GRID1: variants seen among roughly 807,000 people sequenced by gnomAD.
GRID1 encodes the protein glutamate receptor ionotropic, delta-1.
GRID1 carries 28 observed loss-of-function variants against 98.0 expected under a neutral mutation model. The ratio of observed to expected loss-of-function variants is 0.29; its 90% confidence interval spans 0.21 to 0.39. The LOEUF (loss-of-function observed/expected upper bound fraction) is 0.39, where lower values mean the gene tolerates loss of function less well. Ranked by LOEUF, GRID1 falls within the 10% of genes least tolerant of loss-of-function variation. GRID1 has a pLI of 1.00. For missense variants in GRID1, 1,111 were observed against 1,340.5 expected (o/e 0.83, Z 2.67); for synonymous variants, 553 against 538.5 (o/e 1.03, Z -0.37).
chr10:86,098,444 C>A lies in GRID1; in HGVS notation c.726+40375G>T, dbSNP rs535646804. On this transcript the variant is annotated intron_variant, in intron 4 of 15. Transcript: ENST00000327946. Reference sequence around the variant, plus strand: ...TTGGATACTGTCATTGCCTTAACCACACCCCTAACATTGGCTCCTTAGATT... The same window carrying A: ...TTGGATACTGTCATTGCCTTAACCAAACCCCTAACATTGGCTCCTTAGATT... 2.0e-5 allele frequency among the ~76,000 whole-genome samples: 3 copies of A among 152,360 alleles called. No individual in the cohort carries two copies. The South Asian group carries it at 6.2e-4, about 32-fold the overall frequency.
chr10:86,145,188 A>T (rs1589387057), intron 3 of GRID1, among the ~76,000 whole-genome samples: 1 of 152,068 alleles, frequency 6.6e-6, no homozygotes, highest in African/African-American at 2.4e-5. Context: ...CACAAAATAG[A>T]CTCCAGACAT....
chr10:86,213,395 G>A (rs1208761043), intron 2 of GRID1, among the ~76,000 whole-genome samples: 2 of 151,776 alleles, frequency 1.3e-5, no homozygotes, highest in Non-Finnish European at 2.9e-5. Context: ...AACCACCCAG[G>A]TTTATTCCCC....
At chr10:85,719,474 A>G (rs372649422) in intron 12 of GRID1, among the ~76,000 whole-genome samples, 20 of 152,224 alleles carry the variant, frequency 1.3e-4, no homozygotes, top group African/African-American at 4.3e-4. Flanking sequence ...TGGATGGGGA[A>G]GCCTCAGAAT....
At chr10:85,996,037 T>C (rs180944995) in intron 4 of GRID1, among the ~76,000 whole-genome samples, 6 of 152,374 alleles carry the variant, frequency 3.9e-5, no homozygotes, top group Admixed American at 3.9e-4. Context: ...CTTTCAAACC[T>C]GAGCTGACAT....
chr10:85,893,148 T>C (rs563782381), intron 5 of GRID1, among the ~76,000 whole-genome samples: 3 of 152,152 alleles, frequency 2.0e-5, no homozygotes, highest in Admixed American at 1.3e-4. Context: ...ATTATCTCAA[T>C]AGATGCACAA....
At chr10:85,739,174 A>G (rs928781750) in intron 8 of GRID1, among the ~76,000 whole-genome samples, 3 of 152,148 alleles carry the variant, frequency 2.0e-5, no homozygotes, top group African/African-American at 7.2e-5. Flanking sequence ...ACACACATAC[A>G]ATGATTTGTT....
rs75168084 is a variant in GRID1 at position 86,195,173 on chromosome 10, A to G, written c.520+11191T>C. 0.044 allele frequency among the ~76,000 whole-genome samples: 6,721 copies of G among 152,176 alleles called. 250 individuals are homozygous for G. Among genetic ancestry groups the G allele is most frequent in the South Asian group, 0.078 (374 of 4,816 alleles). ...GTTCCAGCTTGGGATCAGCTGAGCC[A>G]TGAGAGGGCCACACTGCACAGTCAG... On this transcript the variant is annotated intron_variant, in intron 3 of 15. Coordinates refer to ENST00000327946, the MANE Select transcript of GRID1 (RefSeq NM_017551.3). The surrounding 1 kb of genome is among the most constrained non-coding windows in gnomAD (Gnocchi z 4.4).
chr10:86,197,562 C>T (rs965852854), intron 3 of GRID1, among the ~76,000 whole-genome samples: 13 of 152,084 alleles, frequency 8.5e-5, no homozygotes, highest in African/African-American at 3.1e-4. Context: ...GAGCCCGCAT[C>T]GGTCCTGCAA....
At chr10:86,176,925 C>T (rs553383424) in intron 3 of GRID1, among the ~76,000 whole-genome samples, 1 of 152,210 alleles carries the variant, frequency 6.6e-6, no homozygotes, top group Non-Finnish European at 1.5e-5. Context: ...AAGTAAGAAA[C>T]ATCATCCAGT....
At chr10:85,717,137 A>C (rs1841648896) in intron 12 of GRID1, among the ~76,000 whole-genome samples, 1 of 152,248 alleles carries the variant, frequency 6.6e-6, no homozygotes, top group Admixed American at 6.5e-5. Context: ...CAAAAAACTG[A>C]TAACTGTGTG....
intron 5 of GRID1, among the ~76,000 whole-genome samples, chr10:85,888,859 A>C (rs963788173): frequency 7.2e-5 from 11 of 152,094 alleles, no homozygotes; most frequent in South Asian, 2.1e-4. Context: ...AATTCTACCT[A>C]GCAAATTCTA....
chr10:86,336,406 C>G (rs376743682), intron 2 of GRID1, among the ~76,000 whole-genome samples: 101 of 152,218 alleles, frequency 6.6e-4, no homozygotes, highest in African/African-American at 2.4e-3. Flanking sequence ...GGAGTGGGGG[C>G]CTCTAAGGAT....
rs889541943 is a variant in GRID1 at position 85,893,336 on chromosome 10, C to T, written c.780+22850G>A. 4.6e-5 allele frequency among the ~76,000 whole-genome samples: 7 copies of T among 152,192 alleles called. No individual in the cohort carries two copies. In the South Asian group the frequency reaches 6.2e-4, roughly 14 times the overall value. On this transcript the variant is annotated intron_variant, in intron 5 of 15. Transcript: ENST00000327946. ...AGAGCAGGAAAAAGGCATAGATATC[C>T]GCTACTATTACTTCTACTCAACATT...
intron 2 of GRID1, among the ~76,000 whole-genome samples, chr10:86,270,825 T>G (rs1847174858): frequency 6.6e-6 from 1 of 152,162 alleles, no homozygotes; most frequent in East Asian, 1.9e-4. Flanking sequence ...TATGGAGCAA[T>G]GGTTTTTCAA....
At chr10:86,353,589 G>C (rs887101150) in intron 2 of GRID1, among the ~76,000 whole-genome samples, 1 of 152,174 alleles carries the variant, frequency 6.6e-6, no homozygotes, top group Admixed American at 6.5e-5. Flanking sequence ...CAGGTGCACA[G>C]TAGATATGCC....
At chr10:85,935,258 C>T (rs757401196) in intron 4 of GRID1, among the ~76,000 whole-genome samples, 4 of 152,160 alleles carry the variant, frequency 2.6e-5, no homozygotes, top group Non-Finnish European at 2.9e-5. Context: ...CAAGTCTGCT[C>T]GTGGCCAAAG....
In GRID1 at chr10:86,206,043, T is replaced by C. The variant is rs2132019199; in HGVS notation, c.520+321A>G. On this transcript the variant is annotated intron_variant, in intron 3 of 15. Coordinates refer to ENST00000327946, the MANE Select transcript of GRID1 (RefSeq NM_017551.3). The surrounding 1 kb of genome is among the most constrained non-coding windows in gnomAD (Gnocchi z 4.1). The stretch of plus-strand genomic sequence containing the variant: ...AGGAGACCTCCAGGAGGAACCATGC[T>C]TTCCAGCCTCCATCTGTGCCAGCAT... 6.6e-6 allele frequency among the ~76,000 whole-genome samples: 1 copy of C among 152,330 alleles called. No individual in the cohort carries two copies. Among genetic ancestry groups the C allele is most frequent in the East Asian group, 1.9e-4 (1 of 5,188 alleles).
chr10:86,275,224 A>G (rs907640439), intron 2 of GRID1, among the ~76,000 whole-genome samples: 2 of 152,356 alleles, frequency 1.3e-5, no homozygotes, highest in Middle Eastern at 3.4e-3. Flanking sequence ...AATGAATACA[A>G]TCTTTGAGAA....
intron 12 of GRID1, among the ~76,000 whole-genome samples, chr10:85,658,498 T>C (rs1409745991): frequency 6.6e-6 from 1 of 152,218 alleles, no homozygotes; most frequent in Non-Finnish European, 1.5e-5. Flanking sequence ...GCTGTCTTCA[T>C]ACTCAGGACT....
Sources: gnomAD v4.1 joint callset for allele counts (sites outside exome capture counted in the v4.1 genomes callset) on GRCh38, gnomAD v4.1.1 for gene constraint, Gnocchi (gnomAD v3.1) non-coding constraint, MANE v1.5 for transcripts, NCBI Gene and HGNC (gene_info 2026-07-23, HGNC 2026-07-21) for gene names.